CDH13: variants seen among roughly 807,000 people sequenced by gnomAD.
The protein encoded by CDH13 is cadherin 13.
Under a neutral mutation model 63.8 loss-of-function variants are expected in CDH13, and 24 were observed. The observed-to-expected ratio is 0.38, with a 90% CI of 0.27 to 0.53. The LOEUF is 0.53. Among genes scored for constraint, CDH13 ranks in the 20% least tolerant of loss-of-function variants. The pLI is 0.85. For missense variants in CDH13, 1,049 were observed against 903.1 expected, an observed-to-expected ratio of 1.16 and a Z score of -2.07; for synonymous variants, 503 against 355.3, an observed-to-expected ratio of 1.42 and a Z score of -4.67.
At chr16:82,798,156 G>A (rs150321938) in intron 1 of CDH13, among the ~76,000 whole-genome samples, 50 of 152,240 alleles carry the variant, frequency 3.3e-4, no homozygotes, top group African/African-American at 1.1e-3. Context: ...GCTGTCTACC[G>A]GAAACCAGGT....
intron 5 of CDH13, among the ~76,000 whole-genome samples, chr16:83,270,713 C>G (rs1254801797): frequency 1.3e-5 from 2 of 152,148 alleles, no homozygotes; most frequent in Non-Finnish European, 2.9e-5. Flanking sequence ...ACGTTCCTAT[C>G]TGTCATCTTC....
intron 3 of CDH13, among the ~76,000 whole-genome samples, chr16:83,054,047 A>G (rs1308557138): frequency 6.6e-6 from 1 of 152,192 alleles, no homozygotes. Flanking sequence ...ACAACTGCAT[A>G]CAGTATTCAG....
At chr16:83,199,955 G>T (rs371125868) in intron 4 of CDH13, among the ~76,000 whole-genome samples, 1 of 152,182 alleles carries the variant, frequency 6.6e-6, no homozygotes, top group African/African-American at 2.4e-5. Flanking sequence ...GGTGGCTATT[G>T]CTCGGGACCT....
At chr16:83,129,720 C>G (rs576545492) in intron 4 of CDH13, among the ~76,000 whole-genome samples, 1 of 152,308 alleles carries the variant, frequency 6.6e-6, no homozygotes, top group South Asian at 2.1e-4. Context: ...ACGCGACAGC[C>G]TGCTGAGGTT....
chr16:83,091,998 C>G (rs2033935543), intron 3 of CDH13, among the ~76,000 whole-genome samples: 1 of 152,122 alleles, frequency 6.6e-6, no homozygotes, highest in Non-Finnish European at 1.5e-5. Flanking sequence ...TCTGTGCATA[C>G]CAGGCAATGC....
intron 2 of CDH13, among the ~76,000 whole-genome samples, chr16:82,862,722 G>T (rs2039991853): frequency 6.6e-6 from 1 of 152,208 alleles, no homozygotes; most frequent in Non-Finnish European, 1.5e-5. Context: ...ACAAGAGCAG[G>T]CTAGGCTAGG....
intron 1 of CDH13, among the ~76,000 whole-genome samples, chr16:82,740,637 G>A (rs774439945): frequency 2.6e-5 from 4 of 152,154 alleles, no homozygotes; most frequent in South Asian, 2.1e-4. Context: ...CTCCATGGAC[G>A]TCTCATTCTT....
intron 2 of CDH13, among the ~76,000 whole-genome samples, chr16:82,950,017 A>C (rs1165000004): frequency 6.6e-6 from 1 of 152,120 alleles, no homozygotes; most frequent in Non-Finnish European, 1.5e-5. Context: ...AAAAGGGAAG[A>C]AAGAAGATTG....
In CDH13 at chr16:83,454,992, G is replaced by A. The variant is rs377392454; in HGVS notation, c.782-31485G>A. Among the ~76,000 whole-genome samples, 27 of 152,310 alleles carry A rather than the reference G, an allele frequency of 1.8e-4. No homozygotes were observed. In the East Asian group the frequency reaches 3.3e-3, roughly 19 times the overall value. ...CCCAAAGTGCTGAGATTACAGGCAT[G>A]AGTCACCATGCCCAGCTCTCTATTG... is the stretch of plus-strand genomic sequence containing the variant. On this transcript the variant is annotated intron_variant, in intron 6 of 13. Transcript: ENST00000567109.
chr16:83,014,751 T>A (rs1450286118), intron 2 of CDH13, among the ~76,000 whole-genome samples: 680 of 35,536 alleles, frequency 0.019, 28 homozygotes, highest in East Asian at 0.096. Flanking sequence ...AAAATATATA[T>A]ATATATATAT....
At chr16:83,202,478 CAG>C (rs934194073) in intron 4 of CDH13, among the ~76,000 whole-genome samples, 1 of 152,106 alleles carries the variant, frequency 6.6e-6, no homozygotes, top group African/African-American at 2.4e-5. Flanking sequence ...AGCGGCTTCA[CAG>C]AGTGAGAAAC....
rs74033119 is a variant in CDH13 at position 83,088,878 on chromosome 16, T to G, written c.367-36507T>G. Among the ~76,000 whole-genome samples, 1,098 of 152,332 alleles carry G rather than the reference T, an allele frequency of 7.2e-3. 10 individuals are homozygous for G. Among genetic ancestry groups the G allele is most frequent in the African/African-American group, 0.026 (1,065 of 41,582 alleles). On this transcript the variant is annotated intron_variant, in intron 3 of 13. Coordinates refer to ENST00000567109, the MANE Select transcript of CDH13 (RefSeq NM_001257.5). ...AGATTTTTCAGCAACAACCACAGGC[T>G]AGATATAGCCCACTACCTGTTTTTG...
chr16:83,252,735 G>A (rs756502582), intron 5 of CDH13, among the ~76,000 whole-genome samples: 3 of 152,028 alleles, frequency 2.0e-5, no homozygotes, highest in African/African-American at 2.4e-5. Context: ...GGAGGAGTGC[G>A]CCTGACTTCT....
chr16:83,035,665 G>A (rs577885645), intron 3 of CDH13, among the ~76,000 whole-genome samples: 1 of 152,290 alleles, frequency 6.6e-6, no homozygotes, highest in East Asian at 1.9e-4. Flanking sequence ...TTGAAGGACG[G>A]GTCATTGTGC....
At chr16:83,294,511 G>C (rs2089541628) in intron 5 of CDH13, among the ~76,000 whole-genome samples, 1 of 151,956 alleles carries the variant, frequency 6.6e-6, no homozygotes, top group South Asian at 2.1e-4. Context: ...TGCTGTGCTT[G>C]AGTTACTTAA....
intron 8 of CDH13, among the ~76,000 whole-genome samples, chr16:83,664,925 C>T (rs546848721): frequency 6.6e-6 from 1 of 152,218 alleles, no homozygotes; most frequent in Non-Finnish European, 1.5e-5. Flanking sequence ...CTAGCCCTCT[C>T]ACTTACTGAT....
chr16:82,917,908 C>T (rs1392977322), intron 2 of CDH13, among the ~76,000 whole-genome samples: 1 of 119,426 alleles, frequency 8.4e-6, no homozygotes, highest in East Asian at 2.0e-4. Context: ...GAGAGAGACT[C>T]CATGTCAAAA....
At chr16:83,748,465 G>A (rs546244435) in intron 11 of CDH13, among the ~76,000 whole-genome samples, 32 of 152,280 alleles carry the variant, frequency 2.1e-4, no homozygotes, top group African/African-American at 7.5e-4. Context: ...AATAATGTCT[G>A]GTGAGAGGTC....
intron 7 of CDH13, among the ~76,000 whole-genome samples, chr16:83,506,943 G>C (rs2151595780): frequency 6.6e-6 from 1 of 152,320 alleles, no homozygotes; most frequent in South Asian, 2.1e-4. Flanking sequence ...CTACACAGCT[G>C]AGCAGCTTCC....
Sources: allele counts gnomAD v4.1 joint callset (sites outside exome capture counted in the v4.1 genomes callset), GRCh38; gene constraint gnomAD v4.1.1; transcripts MANE v1.5; gene names NCBI Gene and HGNC (gene_info 2026-07-23, HGNC 2026-07-21).